GRB10: variants seen among roughly 807,000 people sequenced by gnomAD.
GRB10 encodes growth factor receptor bound protein 10, also known as growth factor receptor-bound protein 10.
In GRB10, 20 loss-of-function variants were observed where a neutral mutation model predicts 80.9. The ratio of observed to expected loss-of-function variants is 0.25; its 90% CI spans 0.17 to 0.36. GRB10 has a LOEUF of 0.36. Ranked by LOEUF, GRB10 falls within the 10% of genes least tolerant of loss-of-function variation. The pLI, the probability that GRB10 is intolerant of heterozygous loss-of-function variation, is 1.00. For missense variants in GRB10, 548 were observed against 747.7 expected, an observed-to-expected ratio of 0.73 and a Z score of 3.12; for synonymous variants, 291 against 291.5, an observed-to-expected ratio of 1.00 and a Z score of 0.02.
chr7:50,640,143 T>C (rs539075401), intron 7 of GRB10, among the ~76,000 whole-genome samples: 1 of 152,332 alleles, frequency 6.6e-6, no homozygotes, highest in Admixed American at 6.5e-5. Flanking sequence ...TTGGAGCTAC[T>C]GTCCTTTGGG....
chr7:50,598,617 A>C (rs948298358), intron 17 of GRB10, among the ~76,000 whole-genome samples: 47 of 152,230 alleles, frequency 3.1e-4, no homozygotes, highest in Admixed American at 3.1e-3. Flanking sequence ...TCATTTCACA[A>C]TGATAAGGGA....
chr7:50,666,732 G>A lies in GRB10; in HGVS notation c.504+2990C>T, dbSNP rs566579327. On this transcript the variant is annotated intron_variant, in intron 7 of 18. Coordinates refer to ENST00000401949, the MANE Select transcript of GRB10 (RefSeq NM_001350814.2). ...TCTTATCACATTACGGAGCTACCAA[G>A]GAGTCACTTAAAAAGGAGAGAGGCA... is the stretch of plus-strand genomic sequence containing the variant. Among the ~76,000 whole-genome samples the A allele has an allele frequency of 2.2e-4, 34 of 152,188 alleles. 1 individual carries two copies. The East Asian group carries it at 4.4e-3, about 20-fold the overall frequency.
At chr7:50,693,058 G>T (rs1323650174) in intron 5 of GRB10, among the ~76,000 whole-genome samples, 1 of 152,154 alleles carries the variant, frequency 6.6e-6, no homozygotes, top group Non-Finnish European at 1.5e-5. Flanking sequence ...AATTATGCAT[G>T]ATGGGTACAT....
In GRB10 at chr7:50,759,111, T is replaced by C. The variant is rs533259505; in HGVS notation, c.-216-3055A>G. ...AGGAGGCTTAGGTGGGAGGATCGCT[T>C]GAGCCCAGGAAGTCGAGGCTGCAGT... On this transcript the variant is annotated intron_variant, in intron 2 of 18. Coordinates refer to ENST00000401949, the MANE Select transcript of GRB10 (RefSeq NM_001350814.2). 4.6e-5 allele frequency among the ~76,000 whole-genome samples: 7 copies of C among 150,594 alleles called. No individual in the cohort carries two copies. In the South Asian group the frequency reaches 1.5e-3, roughly 32 times the overall value.
chr7:50,662,464 G>C (rs1003666564), intron 7 of GRB10, among the ~76,000 whole-genome samples: 5 of 152,192 alleles, frequency 3.3e-5, no homozygotes, highest in Admixed American at 1.3e-4. Flanking sequence ...GCTGCATTTG[G>C]GGGGTGATGC....
intron 5 of GRB10, among the ~76,000 whole-genome samples, chr7:50,703,260 C>A (rs373851928): frequency 6.6e-6 from 1 of 152,254 alleles, no homozygotes; most frequent in South Asian, 2.1e-4. Flanking sequence ...AGCCAAACAA[C>A]GTGCCACACG....
intron 7 of GRB10, among the ~76,000 whole-genome samples, chr7:50,652,102 G>C (rs918399827): frequency 1.3e-5 from 2 of 152,228 alleles, no homozygotes; most frequent in African/African-American, 4.8e-5. Flanking sequence ...CAAAAACCTA[G>C]ATGTAAATAA....
chr7:50,687,855 G>C (rs1162049756), intron 5 of GRB10, among the ~76,000 whole-genome samples: 1 of 152,230 alleles, frequency 6.6e-6, no homozygotes, highest in Admixed American at 6.5e-5. Context: ...AAGTGTGTCT[G>C]ACACATCGTG....
intron 4 of GRB10, among the ~76,000 whole-genome samples, chr7:50,725,283 C>A (rs1050853744): frequency 1.3e-5 from 2 of 152,228 alleles, no homozygotes; most frequent in African/African-American, 4.8e-5. Flanking sequence ...CTCTTTTCCT[C>A]CTGCTCCAGC....
chr7:50,695,572 T>C (rs2063334372), intron 5 of GRB10, among the ~76,000 whole-genome samples: 1 of 152,158 alleles, frequency 6.6e-6, no homozygotes, highest in Non-Finnish European at 1.5e-5. Flanking sequence ...TGCTATTTGC[T>C]CCTAGGTAAA....
intron 3 of GRB10, among the ~76,000 whole-genome samples, chr7:50,737,809 T>C (rs997629955): frequency 1.6e-4 from 24 of 152,202 alleles, no homozygotes; most frequent in African/African-American, 4.8e-4. Flanking sequence ...GATCACGCCA[T>C]TGCACTCCAG....
chr7:50,747,532 C>T (rs1375127636), intron 3 of GRB10: 2 of 152,218 alleles, frequency 1.3e-5, no homozygotes, highest in South Asian at 2.1e-4. Context: ...TCTCCCTCCA[C>T]CCCGCTTCTC....
At chr7:50,624,150 T>C (rs2153587979) in intron 8 of GRB10, among the ~76,000 whole-genome samples, 1 of 152,326 alleles carries the variant, frequency 6.6e-6, no homozygotes, top group African/African-American at 2.4e-5. Context: ...TTGCAAGCAC[T>C]ACCTGCCTTT....
chr7:50,660,056 A>C (rs1024404355), intron 7 of GRB10, among the ~76,000 whole-genome samples: 15 of 152,200 alleles, frequency 9.9e-5, no homozygotes, highest in Non-Finnish European at 5.9e-5. Context: ...CCTTAAGAGC[A>C]CATGTCTCGT....
At chr7:50,692,313 C>CAT (rs1018129234) in intron 5 of GRB10, among the ~76,000 whole-genome samples, 5 of 152,110 alleles carry the variant, frequency 3.3e-5, no homozygotes, top group Admixed American at 2.0e-4. Context: ...CACACGCACA[C>CAT]ATATATATAT....
At chr7:50,709,717 G>A (rs1488857158) in intron 4 of GRB10, among the ~76,000 whole-genome samples, 3 of 152,116 alleles carry the variant, frequency 2.0e-5, no homozygotes, top group Admixed American at 2.0e-4. Flanking sequence ...ACTCGTGGGA[G>A]GAAGAAAATG....
chr7:50,656,037 C>G (rs2058609948), intron 7 of GRB10, among the ~76,000 whole-genome samples: 1 of 152,168 alleles, frequency 6.6e-6, no homozygotes, highest in Non-Finnish European at 1.5e-5. Flanking sequence ...CTGTGTCTGC[C>G]CTGCCAGCCT....
At chr7:50,627,896 G>T (rs1316229611) in intron 7 of GRB10, among the ~76,000 whole-genome samples, 1 of 152,208 alleles carries the variant, frequency 6.6e-6, no homozygotes, top group African/African-American at 2.4e-5. Flanking sequence ...TGCCCTGGGG[G>T]GCAGGCTGTC....
At chr7:50,616,380 T>C (rs1469522729) in intron 10 of GRB10, 33 bp from the exon 11 acceptor site, 3 of 1,589,898 alleles carry the variant, frequency 1.9e-6, no homozygotes, top group Non-Finnish European at 2.6e-6. Context: ...AATCACATAA[T>C]GCTAATCTAA....
Sources: gnomAD v4.1 joint callset for allele counts (sites outside exome capture counted in the v4.1 genomes callset) on GRCh38, gnomAD v4.1.1 for gene constraint, MANE v1.5 for transcripts, NCBI Gene and HGNC (gene_info 2026-07-23, HGNC 2026-07-21) for gene names.